The following TOMM20 variants were observed in gnomAD, a reference collection of about 807,000 sequenced individuals.
The protein encoded by TOMM20 is mitochondrial import receptor subunit TOM20 homolog.
TOMM20 carries 10 observed loss-of-function variants against 22.1 expected under a neutral mutation model. The observed-to-expected ratio is 0.45, with a 90% CI of 0.28 to 0.77. TOMM20 has a LOEUF of 0.77. Among genes scored for constraint, TOMM20 ranks in the 30% least tolerant of loss-of-function variants. TOMM20 has a pLI of 0.13. For missense variants in TOMM20, 121 were observed against 172.2 expected (o/e 0.70, Z 1.66); for synonymous variants, 55 against 61.4 (o/e 0.90, Z 0.49).
chr1:235,117,236 A>T (rs559294819), intron 3 of TOMM20, among the ~76,000 whole-genome samples: 1 of 150,618 alleles, frequency 6.6e-6, no homozygotes, highest in African/African-American at 2.4e-5. Context: ...AGGCAGGTGG[A>T]TCACTTGAAG....
intron 4 of TOMM20, 100 bp downstream of exon 4, chr1:235,113,668 A>G: frequency 7.1e-7 from 1 of 1,416,936 alleles, no homozygotes; most frequent in Non-Finnish European, 9.5e-7. Context: ...TATACAGATA[A>G]GTTTATTTCA....
At chr1:235,117,089 C>T (rs543030795) in intron 3 of TOMM20, among the ~76,000 whole-genome samples, 78 of 122,292 alleles carry the variant, frequency 6.4e-4, no homozygotes, top group Non-Finnish European at 1.1e-3. Flanking sequence ...GAGCGGAGAT[C>T]GCGCCACTGC....
intron 4 of TOMM20, among the ~76,000 whole-genome samples, chr1:235,113,400 T>C (rs1326118364): frequency 2.0e-5 from 3 of 152,306 alleles, no homozygotes; most frequent in East Asian, 3.9e-4. Context: ...GTGTAGGCTA[T>C]AGCTATCTAG....
At position 235,116,515 on chromosome 1, in the gene TOMM20, C is replaced by T. The variant is rs183768353; in HGVS notation, c.251-2605G>A. Among the ~76,000 whole-genome samples the T allele has an allele frequency of 2.5e-4, 37 of 145,252 alleles. No individual in the cohort carries two copies. In the East Asian group the frequency reaches 5.5e-3, roughly 22 times the overall value. ...ATCATGCCACTGCACTCCAGCCTGG[C>T]GAAAGAGTGAGACTCCATCTCAAAA... On this transcript the variant is annotated intron_variant, in intron 3 of 4. Transcript: ENST00000366607.
At chr1:235,118,166 G>A (rs532953259) in intron 3 of TOMM20, among the ~76,000 whole-genome samples, 1 of 152,206 alleles carries the variant, frequency 6.6e-6, no homozygotes, top group Non-Finnish European at 1.5e-5. Flanking sequence ...CACAACCTCA[G>A]TTGCAGTGAT....
At chr1:235,118,811 C>T (rs545112484) in intron 3 of TOMM20, among the ~76,000 whole-genome samples, 1 of 152,328 alleles carries the variant, frequency 6.6e-6, no homozygotes, top group African/African-American at 2.4e-5. Flanking sequence ...AGGCATGAGC[C>T]ACCATGCCTG....
In TOMM20 at chr1:235,111,533, G is replaced by A. The variant is rs1660737713; in HGVS notation, c.*531C>T. On this transcript the variant is annotated 3_prime_UTR_variant, in exon 5 of 5. Transcript: ENST00000366607. Reference sequence around the variant, plus strand: ...TGCTACACAGAAAGGGAAGGAAGCTGTTAACCCAGCACAGCAGCACACCTC... The same window carrying A: ...TGCTACACAGAAAGGGAAGGAAGCTATTAACCCAGCACAGCAGCACACCTC... 1.9e-5 allele frequency: 3 copies of A among 155,568 alleles called. No homozygotes were observed. Among genetic ancestry groups the A allele is most frequent in the Non-Finnish European group, 2.8e-5 (2 of 70,448 alleles). 9.6% of individuals were successfully genotyped at this position (155,568 alleles called of 1,614,324 possible). A position where few individuals can be genotyped will look rare whatever the true frequency, so the allele number is the denominator to read the frequency against.
chr1:235,116,632 A>C (rs547765803), intron 3 of TOMM20, among the ~76,000 whole-genome samples: 38 of 151,748 alleles, frequency 2.5e-4, no homozygotes, highest in Non-Finnish European at 5.0e-4. Flanking sequence ...CCTCGCTTGA[A>C]CCCGGGAGGT....
intron 3 of TOMM20, among the ~76,000 whole-genome samples, chr1:235,114,627 C>T (rs561107731): frequency 3.3e-5 from 5 of 151,760 alleles, no homozygotes; most frequent in East Asian, 1.9e-4. Flanking sequence ...TTAGTAGAGA[C>T]GAGGTTTCAC....
At chr1:235,117,902 T>C (rs1450685013) in intron 3 of TOMM20, among the ~76,000 whole-genome samples, 1 of 152,220 alleles carries the variant, frequency 6.6e-6, no homozygotes, top group African/African-American at 2.4e-5. Context: ...GTCATTGTCA[T>C]CTGGGTTCCC....
chr1:235,113,905 A>G lies in TOMM20; in HGVS notation c.256T>C (p.Tyr86His). The G allele has an allele frequency of 1.3e-6, 2 of 1,578,390 alleles. No homozygotes were observed. The highest frequency in any genetic ancestry group is 1.7e-6 in the Non-Finnish European group (2 of 1,161,312). The change falls in exon 4 of 5, where the codon TAT (tyrosine) becomes CAT (histidine). Residue 86 changes from tyrosine to histidine, a missense_variant. By Grantham distance (83) the Tyr-to-His change is moderately conservative (BLOSUM62 2). Coordinates refer to ENST00000366607, the MANE Select transcript of TOMM20 (RefSeq NM_014765.3). ...LGEELLAQGE[Y>H]EKGVDHLTNA... Reference sequence around the variant, plus strand: ...GTCAGATGGTCTACGCCCTTCTCATATTCACCTGTAAGATTTACATAAAAT... The same window carrying G: ...GTCAGATGGTCTACGCCCTTCTCATGTTCACCTGTAAGATTTACATAAAAT...
intron 3 of TOMM20, among the ~76,000 whole-genome samples, chr1:235,117,843 CTA>C (rs1009768635): frequency 2.0e-5 from 3 of 151,978 alleles, no homozygotes; most frequent in African/African-American, 7.3e-5. Flanking sequence ...AATGTGAGGA[CTA>C]TGATTGTCCC....
At chr1:235,113,712 A>C (rs1660779868) in intron 4 of TOMM20, 56 bp downstream of exon 4, 1 of 1,548,428 alleles carries the variant, frequency 6.5e-7, no homozygotes, top group Admixed American at 2.0e-5. Context: ...AAATGTCCCT[A>C]ATCATTCGAT....
intron 3 of TOMM20, among the ~76,000 whole-genome samples, chr1:235,114,131 GAA>G (rs1660788146): frequency 6.6e-6 from 1 of 152,124 alleles, no homozygotes; most frequent in Non-Finnish European, 1.5e-5. Context: ...ATGTAAGGGG[GAA>G]ATCAATGTAT....
chr1:235,123,541 C>T (rs1660964274), intron 1 of TOMM20, among the ~76,000 whole-genome samples: 1 of 152,156 alleles, frequency 6.6e-6, no homozygotes, highest in African/African-American at 2.4e-5. Flanking sequence ...GTCAAGGTAC[C>T]TTTTCTTAGT....
At chr1:235,116,969 A>T (rs1301822779) in intron 3 of TOMM20, among the ~76,000 whole-genome samples, 1 of 150,324 alleles carries the variant, frequency 6.7e-6, no homozygotes, top group Non-Finnish European at 1.5e-5. Flanking sequence ...CCCCGTCTCT[A>T]CTAAAAATAC....
intron 1 of TOMM20, among the ~76,000 whole-genome samples, chr1:235,128,173 C>CA (rs954239782): frequency 9.2e-5 from 14 of 151,632 alleles, no homozygotes; most frequent in South Asian, 2.1e-4. Flanking sequence ...GATTCCGTCT[C>CA]AAAAAAAAGA....
intron 4 of TOMM20, among the ~76,000 whole-genome samples, chr1:235,112,841 T>C (rs932003783): frequency 3.9e-5 from 6 of 152,188 alleles, no homozygotes; most frequent in Non-Finnish European, 8.8e-5. Flanking sequence ...TCAAATAGCG[T>C]AATATTAAAC....
intron 1 of TOMM20, among the ~76,000 whole-genome samples, chr1:235,123,302 T>C (rs989435783): frequency 4.6e-5 from 7 of 152,036 alleles, no homozygotes; most frequent in East Asian, 1.9e-4. Context: ...CTGGCCAACA[T>C]AGTGAAACCC....
Sources: gnomAD v4.1 joint callset for allele counts (sites outside exome capture counted in the v4.1 genomes callset) on GRCh38, gnomAD v4.1.1 for gene constraint, MANE v1.5 for transcripts, NCBI Gene and HGNC (gene_info 2026-07-23, HGNC 2026-07-21) for gene names.